Variants in PCNX2 observed in about 807,000 individuals in gnomAD.
PCNX2 encodes the protein pecanex-like protein 2.
PCNX2 carries 168 observed loss-of-function variants against 223.8 expected under a neutral mutation model. That is an observed-to-expected ratio of 0.75 (90% confidence interval 0.66 to 0.85). The LOEUF (loss-of-function observed/expected upper bound fraction) is 0.85. Ranked by LOEUF, PCNX2 falls within the 40% of genes least tolerant of loss-of-function variation. The pLI, the probability that PCNX2 is intolerant of heterozygous loss-of-function variation, is 0.00. For missense variants in PCNX2, 2,507 were observed against 2,675.5 expected, an observed-to-expected ratio of 0.94 and a Z score of 1.39; for synonymous variants, 1,006 against 1,052.6, an observed-to-expected ratio of 0.96 and a Z score of 0.86.
Position 233,230,100 on chromosome 1 carries a change from CAA to C in PCNX2, c.2359-2731_2359-2730del, listed in dbSNP as rs572030269. Among the ~76,000 whole-genome samples the C allele has an allele frequency of 5.3e-5, 8 of 152,240 alleles. No homozygotes were observed. The South Asian group carries it at 1.4e-3, about 28-fold the overall frequency. On this transcript the variant is annotated intron_variant, in intron 9 of 33. Transcript: ENST00000258229. ...TATATGTTGAAAACTGAAAACATAA[CAA>C]GAGAGAGTTTCTACCTTACAGGGGT...
At chr1:233,195,531 A>G (rs929991827) in intron 15 of PCNX2, among the ~76,000 whole-genome samples, 1 of 152,266 alleles carries the variant, frequency 6.6e-6, no homozygotes, top group South Asian at 2.1e-4. Context: ...ATTGATAGAC[A>G]TGACAATCTA....
At chr1:232,985,820 G>T in intron 33 of PCNX2, 1 of 601,802 alleles carries the variant, frequency 1.7e-6, no homozygotes, top group Non-Finnish European at 3.0e-6. Flanking sequence ...GATGGCCACA[G>T]TTCTGCAGAA....
rs1553319645 is a variant in PCNX2, at chr1:233,235,957, A to ATAT, written c.2358+887_2358+888insATA. Among the ~76,000 whole-genome samples, 316 of 93,096 alleles carry ATAT rather than the reference A, an allele frequency of 3.4e-3. 3 individuals carry two copies. Among genetic ancestry groups the ATAT allele is most frequent in the Non-Finnish European group, 5.7e-3 (260 of 45,948 alleles). The allele number at this position is 93,096 out of a possible 152,430, so 61.1% of individuals were successfully genotyped here. ...ATGTGGCAAAGCAATCATAAAAAAAAATATATATATATATATATATATATA... is the reference window on the plus strand; with the variant it reads ...ATGTGGCAAAGCAATCATAAAAAAAATATATATATATATATATATATATATATA... On this transcript the variant is annotated intron_variant, in intron 9 of 33. Coordinates refer to ENST00000258229, the MANE Select transcript of PCNX2 (RefSeq NM_014801.4).
chr1:233,108,858 T>C (rs997976692), intron 21 of PCNX2, among the ~76,000 whole-genome samples: 7 of 151,984 alleles, frequency 4.6e-5, no homozygotes, highest in African/African-American at 1.5e-4. Flanking sequence ...GGGGTTTCAT[T>C]AGAAAATTAA....
At chr1:233,041,358 CT>C (rs1200831141) in intron 25 of PCNX2, among the ~76,000 whole-genome samples, 2 of 152,174 alleles carry the variant, frequency 1.3e-5, no homozygotes, top group Non-Finnish European at 2.9e-5. Context: ...AATCCGAAAC[CT>C]TTTGAGCACT....
intron 21 of PCNX2, among the ~76,000 whole-genome samples, chr1:233,109,907 G>A (rs1675017078): frequency 6.6e-6 from 1 of 152,104 alleles, no homozygotes; most frequent in African/African-American, 2.4e-5. Flanking sequence ...CTGAGGTCTG[G>A]AGAAACACCA....
chr1:233,291,726 C>T, intron 1 of PCNX2: 6 of 983,658 alleles, frequency 6.1e-6, no homozygotes, highest in Non-Finnish European at 7.2e-6. Context: ...GTAAAGAACA[C>T]TCTGCTCTGA....
chr1:233,112,847 T>C, intron 21 of PCNX2: 1 of 1,281,222 alleles, frequency 7.8e-7, no homozygotes. Context: ...ACTCTTACTT[T>C]GAAGGCTGAA....
At chr1:233,227,538 AT>A (rs1252920117) in intron 9 of PCNX2, among the ~76,000 whole-genome samples, 167 bp from the exon 10 acceptor site, 1 of 151,940 alleles carries the variant, frequency 6.6e-6, no homozygotes, top group East Asian at 1.9e-4. Flanking sequence ...AACATATTTC[AT>A]TCAAACTAAA....
At chr1:233,286,946 C>T (rs1024292740) in intron 1 of PCNX2, among the ~76,000 whole-genome samples, 65 of 152,338 alleles carry the variant, frequency 4.3e-4, no homozygotes, top group African/African-American at 1.6e-3. Context: ...AGGAACTGCA[C>T]ATTCTGCGAT....
chr1:233,090,198 T>A lies in PCNX2; in HGVS notation c.3947-8A>T. On this transcript the variant is annotated splice_polypyrimidine_tract_variant and splice_region_variant and intron_variant, in intron 22 of 33. Transcript: ENST00000258229. ...AGAAAAGCATGGCAGAATCTGAGAA[T>A]GTTGAGTTAAGGCAAAAAAAAAAAT... is the stretch of plus-strand genomic sequence containing the variant. 1 of 1,608,514 alleles carries A rather than the reference T, an allele frequency of 6.2e-7. No individual in the cohort carries two copies.
chr1:233,078,640 A>G (rs1435409592), intron 23 of PCNX2, among the ~76,000 whole-genome samples: 1 of 152,214 alleles, frequency 6.6e-6, no homozygotes, highest in East Asian at 1.9e-4. Flanking sequence ...ACCTTGAAGC[A>G]TCAGCAGCAG....
At chr1:233,141,651 T>C (rs1246815757) in intron 19 of PCNX2, among the ~76,000 whole-genome samples, 1 of 151,982 alleles carries the variant, frequency 6.6e-6, no homozygotes, top group African/African-American at 2.4e-5. Context: ...CCAGCCTGAG[T>C]GGCAGAGAGA....
chr1:233,215,515 G>A (rs572174386), intron 12 of PCNX2, among the ~76,000 whole-genome samples: 8 of 152,266 alleles, frequency 5.3e-5, no homozygotes, highest in East Asian at 1.9e-4. Flanking sequence ...AGTGGCATAC[G>A]GGCCATAGTA....
intron 13 of PCNX2, among the ~76,000 whole-genome samples, chr1:233,203,877 A>G (rs1226285830): frequency 1.3e-5 from 2 of 152,196 alleles, no homozygotes; most frequent in Admixed American, 1.3e-4. Flanking sequence ...GCTCTAGGAA[A>G]TACTCCATGC....
intron 22 of PCNX2, among the ~76,000 whole-genome samples, chr1:233,091,887 C>T (rs1299542500): frequency 6.6e-6 from 1 of 151,292 alleles, no homozygotes; most frequent in East Asian, 1.9e-4. Flanking sequence ...TCAAAAAGAT[C>T]TCTATTGTGC....
intron 33 of PCNX2, chr1:232,985,583 T>C (rs41314268): frequency 1.4e-3 from 284 of 205,276 alleles, no homozygotes; most frequent in Non-Finnish European, 2.2e-3. Context: ...AGTAACAGCT[T>C]ATTTGGGTGA....
rs184876462 is a variant in PCNX2, at chr1:233,075,882, A to G, written c.4076+14179T>C. On this transcript the variant is annotated intron_variant, in intron 23 of 33. Coordinates refer to ENST00000258229, the MANE Select transcript of PCNX2 (RefSeq NM_014801.4). The stretch of plus-strand genomic sequence containing the variant: ...TCCATTTCAGCAAGAAAAATCCAAG[A>G]CTACTCAATATTTTAAATACAGAAT... 4.6e-5 allele frequency among the ~76,000 whole-genome samples: 7 copies of G among 152,310 alleles called. No homozygotes were observed. In the East Asian group the frequency reaches 1.3e-3, roughly 29 times the overall value.
chr1:233,195,042 A>T (rs147551902), intron 15 of PCNX2, among the ~76,000 whole-genome samples: 1 of 151,648 alleles, frequency 6.6e-6, no homozygotes, highest in African/African-American at 2.4e-5. Flanking sequence ...AAAATTAGAG[A>T]ACTAGAAACT....
Sources: allele counts gnomAD v4.1 joint callset (sites outside exome capture counted in the v4.1 genomes callset), GRCh38; gene constraint gnomAD v4.1.1; transcripts MANE v1.5; gene names NCBI Gene and HGNC (gene_info 2026-07-23, HGNC 2026-07-21).